Variants in YIF1B observed in about 807,000 individuals in gnomAD.
The protein encoded by YIF1B is protein YIF1B.
In YIF1B, 24 loss-of-function variants were observed where a neutral mutation model predicts 34.6. The observed-to-expected ratio is 0.69, with a 90% confidence interval of 0.50 to 0.98. The LOEUF (loss-of-function observed/expected upper bound fraction) is 0.98, where lower values mean the gene tolerates loss of function less well. YIF1B is among the 50% of genes least tolerant of loss of function. The pLI is 0.00. For synonymous variants in YIF1B, 186 were observed against 184.8 expected, an observed-to-expected ratio of 1.01 and a Z score of -0.05; for missense variants, 368 against 429.4, an observed-to-expected ratio of 0.86 and a Z score of 1.26.
intron 1 of YIF1B, 37 bp downstream of exon 1, chr19:38,315,823 G>A (rs1969526420): frequency 7.1e-7 from 1 of 1,409,028 alleles, no homozygotes. Context: ...GCCCCGCCAC[G>A]CCCCCGCCCG....
chr19:38,306,204 CAAAAAAAAAAAAA>C (rs1174694534), intron 7 of YIF1B, among the ~76,000 whole-genome samples: 2 of 28,710 alleles, frequency 7.0e-5, no homozygotes, highest in African/African-American at 1.4e-4. Context: ...CTCTGTCTCA[CAAAAAAAAAAAAA>C]AAAAAAAAAA....
At chr19:38,306,063 G>T (rs867348969) in intron 7 of YIF1B, among the ~76,000 whole-genome samples, 1 of 151,908 alleles carries the variant, frequency 6.6e-6, no homozygotes, top group African/African-American at 2.4e-5. Context: ...TTAGCTGGGC[G>T]TGGTGGTGAG....
At chr19:38,305,547 T>C in intron 7 of YIF1B, 40 bp from the exon 8 acceptor site, 3 of 1,571,932 alleles carry the variant, frequency 1.9e-6, no homozygotes, top group East Asian at 2.3e-5. Context: ...GGATTTACCC[T>C]TGAGCCCTCT....
intron 1 of YIF1B, among the ~76,000 whole-genome samples, chr19:38,314,418 C>T (rs1969456588): frequency 6.6e-6 from 1 of 151,646 alleles, no homozygotes; most frequent in Admixed American, 6.6e-5. Context: ...TGGTCTCGAA[C>T]TCCTGACCTC....
chr19:38,307,461 C>G lies in YIF1B; in HGVS notation c.756G>C (p.Leu252=). Residue 252 remains leucine (L), a synonymous_variant, in exon 7 of 8, where the codon CTG becomes CTC. Coordinates refer to ENST00000339413, the MANE Select transcript of YIF1B (RefSeq NM_001039672.3). ...LFGKIGYYLV[L]GWCCVAIFVF... is the part of the protein sequence containing the mutation. The stretch of plus-strand genomic sequence containing the variant: ...CAAAGATGGCTACGCAGCACCAGCC[C>G]AGCACCAGGTAGTAGCCAATCTTCC... The G allele has an allele frequency of 6.2e-7, 1 of 1,613,834 alleles. No homozygotes were observed. Among genetic ancestry groups the G allele is most frequent in the South Asian group, 1.1e-5 (1 of 91,068 alleles).
At chr19:38,320,180 T>C (rs775083474), upstream of YIF1B, 58 of 1,600,150 alleles carry the variant, frequency 3.6e-5, no homozygotes, top group Non-Finnish European at 4.9e-5. Flanking sequence ...CGGGTCGTGC[T>C]TGCTAACGCT....
chr19:38,305,868 T>C lies in YIF1B; in HGVS notation c.790-361A>G, dbSNP rs375291612. 1.1e-4 allele frequency among the ~76,000 whole-genome samples: 16 copies of C among 152,248 alleles called. No individual in the cohort carries two copies. The South Asian group carries it at 3.3e-3, about 32-fold the overall frequency. ...CCCTTATGCTGGCCACACGGCAATT[T>C]CTGAAGACACGCCAGAAATGCTATC... On this transcript the variant is annotated intron_variant, in intron 7 of 7. Coordinates refer to ENST00000339413, the MANE Select transcript of YIF1B (RefSeq NM_001039672.3).
intron 1 of YIF1B, among the ~76,000 whole-genome samples, chr19:38,311,226 GCAGTGA>G (rs1969314606): frequency 6.6e-6 from 1 of 151,660 alleles, no homozygotes; most frequent in Admixed American, 6.6e-5. Context: ...GACAAAGGTT[GCAGTGA>G]GCCGAGACTG....
chr19:38,317,685 T>C (rs904300556), upstream of YIF1B, among the ~76,000 whole-genome samples: 1 of 152,052 alleles, frequency 6.6e-6, no homozygotes, highest in Non-Finnish European at 1.5e-5. Context: ...GTTCAAGTGA[T>C]TCTCCTGCTT....
intron 1 of YIF1B, 156 bp from the exon 2 acceptor site, chr19:38,309,799 C>G: frequency 7.0e-7 from 1 of 1,433,630 alleles, no homozygotes; most frequent in Non-Finnish European, 9.1e-7. Context: ...CTGGCAGGTG[C>G]AAGCTCTGCC....
At chr19:38,306,057 C>G (rs1969012526) in intron 7 of YIF1B, among the ~76,000 whole-genome samples, 1 of 151,902 alleles carries the variant, frequency 6.6e-6, no homozygotes, top group Non-Finnish European at 1.5e-5. Context: ...CAAAAATTAG[C>G]TGGGCGTGGT....
At chr19:38,316,520 G>C (rs1223929314), upstream of YIF1B, among the ~76,000 whole-genome samples, 1 of 152,102 alleles carries the variant, frequency 6.6e-6, no homozygotes, top group Non-Finnish European at 1.5e-5. Context: ...CGAGCGAAAA[G>C]GTCGATGGGA....
chr19:38,305,527 A>C lies in YIF1B; in HGVS notation c.790-20T>G, dbSNP rs1205673378. Reference sequence around the variant, plus strand: ...CCGGATCTGGGTGGGAAAGAGAGAGAGGAACCAAGGGATTTACCCTTGAGC... The same window carrying C: ...CCGGATCTGGGTGGGAAAGAGAGAGCGGAACCAAGGGATTTACCCTTGAGC... On this transcript the variant is annotated intron_variant, in intron 7 of 7. Transcript: ENST00000339413. 1 of 1,589,824 alleles carries C rather than the reference A, an allele frequency of 6.3e-7. No individual in the cohort carries two copies. Among genetic ancestry groups the C allele is most frequent in the Admixed American group, 1.7e-5 (1 of 59,038 alleles).
rs1420808429 is a variant in YIF1B at position 38,304,718 on chromosome 19, G to GTGCCCTGC, written c.*626_*633dup. ...GGCTCTCGCCAGCGTCCCCAAGCACGTGCCCTGCACCCCAGAGAGGCGTCC... is the reference window on the plus strand; with the variant it reads ...GGCTCTCGCCAGCGTCCCCAAGCACGTGCCCTGCTGCCCTGCACCCCAGAGAGGCGTCC... On this transcript the variant is annotated 3_prime_UTR_variant, in exon 8 of 8. Coordinates refer to ENST00000339413, the MANE Select transcript of YIF1B (RefSeq NM_001039672.3). The GTGCCCTGC allele has an allele frequency of 1.2e-6, 2 of 1,613,386 alleles. No homozygotes were observed. The highest frequency in any genetic ancestry group is 1.7e-6 in the Non-Finnish European group (2 of 1,179,854).
upstream of YIF1B, among the ~76,000 whole-genome samples, chr19:38,316,437 C>A (rs1386487402): frequency 1.3e-5 from 2 of 152,054 alleles, no homozygotes; most frequent in Admixed American, 1.3e-4. Context: ...TCGCTTGAGC[C>A]CAGGAGTTCG....
intron 7 of YIF1B, among the ~76,000 whole-genome samples, chr19:38,305,772 C>G (rs1489104745): frequency 6.6e-6 from 1 of 152,172 alleles, no homozygotes; most frequent in Non-Finnish European, 1.5e-5. Context: ...GGTCTTGGAG[C>G]GGGTGAAGGG....
intron 1 of YIF1B, among the ~76,000 whole-genome samples, chr19:38,310,704 C>T (rs1390078365): frequency 3.9e-5 from 6 of 152,160 alleles, no homozygotes; most frequent in Admixed American, 3.9e-4. Context: ...ACCTGCGCCT[C>T]CCAATGCTCA....
upstream of YIF1B, among the ~76,000 whole-genome samples, chr19:38,319,016 G>A (rs1020529679): frequency 7.9e-5 from 12 of 152,110 alleles, no homozygotes; most frequent in African/African-American, 2.9e-4. Context: ...AGGCAGGGGT[G>A]GTTGCTTCCT....
intron 1 of YIF1B, among the ~76,000 whole-genome samples, chr19:38,312,778 C>T (rs1377485484): frequency 2.0e-5 from 3 of 152,164 alleles, no homozygotes; most frequent in Non-Finnish European, 4.4e-5. Context: ...TCATAAACTC[C>T]TTGGCCCCAC....
Sources: allele counts gnomAD v4.1 joint callset (sites outside exome capture counted in the v4.1 genomes callset), GRCh38; gene constraint gnomAD v4.1.1; transcripts MANE v1.5; gene names NCBI Gene and HGNC (gene_info 2026-07-23, HGNC 2026-07-21).